The following SLC25A21 variants were observed in gnomAD, a reference collection of about 807,000 sequenced individuals.
SLC25A21 encodes solute carrier family 25 member 21.
In SLC25A21, 47 loss-of-function variants were observed where a neutral mutation model predicts 43.8. The ratio of observed to expected loss-of-function variants is 1.07; its 90% CI spans 0.85 to 1.37. The LOEUF is 1.37. Among genes scored for constraint, SLC25A21 ranks in the 40% most tolerant of loss-of-function variants. SLC25A21 has a pLI of 0.00. For synonymous variants in SLC25A21, 131 were observed against 121.3 expected, an observed-to-expected ratio of 1.08 and a Z score of -0.52; for missense variants, 352 against 350.2, an observed-to-expected ratio of 1.00 and a Z score of -0.04.
At chr14:36,791,884 C>G (rs913903937) in intron 3 of SLC25A21, among the ~76,000 whole-genome samples, 2 of 151,934 alleles carry the variant, frequency 1.3e-5, no homozygotes, top group Non-Finnish European at 2.9e-5. Context: ...AAAGAGGCAC[C>G]GGGAGGCTTC....
intron 1 of SLC25A21, among the ~76,000 whole-genome samples, chr14:36,889,836 C>T (rs1462711494): frequency 6.6e-6 from 1 of 152,100 alleles, no homozygotes; most frequent in African/African-American, 2.4e-5. Flanking sequence ...TCTTAAATTA[C>T]TAGCTCACTA....
intron 2 of SLC25A21, among the ~76,000 whole-genome samples, chr14:36,821,198 T>C (rs139636065): frequency 0.016 from 2,404 of 152,214 alleles, 26 homozygotes; most frequent in South Asian, 0.051. Context: ...ATTCCCACCA[T>C]GTATGTTTCT....
chr14:36,976,053 C>T (rs1959863657), intron 1 of SLC25A21, among the ~76,000 whole-genome samples: 1 of 152,160 alleles, frequency 6.6e-6, no homozygotes, highest in Non-Finnish European at 1.5e-5. Context: ...ATGCCATCTG[C>T]TGTTTGCTTA....
At chr14:36,956,864 T>A (rs531126867) in intron 1 of SLC25A21, among the ~76,000 whole-genome samples, 9 of 152,340 alleles carry the variant, frequency 5.9e-5, no homozygotes, top group African/African-American at 1.9e-4. Flanking sequence ...ATACATCATG[T>A]CATGTGGATT....
rs139861168 is a variant in SLC25A21 at position 36,844,708 on chromosome 14, C to T, written c.119+30248G>A. Among the ~76,000 whole-genome samples, 798 of 152,248 alleles carry T rather than the reference C, an allele frequency of 5.2e-3. 1 individual carries two copies. The highest frequency in any genetic ancestry group is 0.017 in the African/African-American group (716 of 41,534). On this transcript the variant is annotated intron_variant, in intron 2 of 9. Coordinates refer to ENST00000331299, the MANE Select transcript of SLC25A21 (RefSeq NM_030631.4). ...GTGAACCATGTAAATAGAAGGCTTC[C>T]AGGTTAATGAAAAGCTTCAGCACCA...
At chr14:36,779,420 T>C (rs972527975) in intron 3 of SLC25A21, among the ~76,000 whole-genome samples, 1 of 144,226 alleles carries the variant, frequency 6.9e-6, no homozygotes, top group Non-Finnish European at 1.5e-5. Context: ...CTTATATATA[T>C]AAAGAATATT....
intron 1 of SLC25A21, among the ~76,000 whole-genome samples, chr14:36,981,869 T>TA (rs1452074570): frequency 1.3e-5 from 2 of 152,080 alleles, no homozygotes; most frequent in East Asian, 3.9e-4. Flanking sequence ...AAAAAATAAA[T>TA]AAAAAACTGT....
At chr14:36,738,110 T>C (rs1038285545) in intron 3 of SLC25A21, among the ~76,000 whole-genome samples, 5 of 152,168 alleles carry the variant, frequency 3.3e-5, no homozygotes, top group Admixed American at 3.3e-4. Context: ...TGTCCAATCA[T>C]AGGAAGAGCT....
At chr14:36,989,325 T>C (rs1435718055) in intron 1 of SLC25A21, among the ~76,000 whole-genome samples, 5 of 152,170 alleles carry the variant, frequency 3.3e-5, no homozygotes, top group African/African-American at 1.2e-4. Context: ...TAAAACTTTT[T>C]AATTTCTAAA....
At chr14:37,075,597 A>G (rs1455382994) in intron 1 of SLC25A21, among the ~76,000 whole-genome samples, 2 of 152,178 alleles carry the variant, frequency 1.3e-5, no homozygotes, top group African/African-American at 4.8e-5. Context: ...ATAATCTTCA[A>G]AATTTACAAG....
At chr14:37,051,419 A>G (rs962155438) in intron 1 of SLC25A21, among the ~76,000 whole-genome samples, 3 of 152,226 alleles carry the variant, frequency 2.0e-5, no homozygotes, top group African/African-American at 7.2e-5. Flanking sequence ...GCTACAAGAC[A>G]ATACTAGAAA....
At chr14:36,998,820 T>C (rs573866651) in intron 1 of SLC25A21, among the ~76,000 whole-genome samples, 6 of 151,992 alleles carry the variant, frequency 3.9e-5, no homozygotes, top group East Asian at 1.9e-4. Flanking sequence ...CCATATGTCA[T>C]TGGGGAAAGG....
At chr14:36,891,492 G>T (rs1197936955) in intron 1 of SLC25A21, among the ~76,000 whole-genome samples, 1 of 152,120 alleles carries the variant, frequency 6.6e-6, no homozygotes, top group Non-Finnish European at 1.5e-5. Flanking sequence ...TTCATGTGCT[G>T]CTTTGATGCT....
At chr14:36,694,816 T>A (rs1882946705) in intron 7 of SLC25A21, among the ~76,000 whole-genome samples, 1 of 152,232 alleles carries the variant, frequency 6.6e-6, no homozygotes. Flanking sequence ...TAGCCCTTTG[T>A]CGGATGGGTT....
Position 36,813,940 on chromosome 14 carries a change from G to A in SLC25A21, c.181C>T (p.Arg61Ter), listed in dbSNP as rs148097801. 1.5e-4 allele frequency: 238 copies of A among 1,607,760 alleles called. No individual in the cohort carries two copies. The highest frequency in any genetic ancestry group is 2.2e-4 in the Admixed American group (13 of 58,440). The change falls in exon 3 of 10, where the codon CGA (arginine) becomes TGA (stop). Residue 61 changes from arginine (R) to a stop codon, truncating the protein, a stop_gained. Transcript: ENST00000331299. LOFTEE classifies it high-confidence loss of function. Reference sequence around the variant, plus strand: ...TACCCTTCCATTTGGAAAATCATTCGAAAGCTGTCTACCAAGCTTTTATAA... The same window carrying A: ...TACCCTTCCATTTGGAAAATCATTCAAAAGCTGTCTACCAAGCTTTTATAA... The part of the protein sequence containing the change: ...NSYKSLVDSF[R>*]MIFQMEGLFG...
intron 3 of SLC25A21, among the ~76,000 whole-genome samples, chr14:36,780,155 T>C (rs1421139614): frequency 1.3e-5 from 2 of 151,978 alleles, no homozygotes; most frequent in East Asian, 3.9e-4. Flanking sequence ...TAGTCTCTTA[T>C]GATTCTTTGC....
chr14:37,045,137 C>A (rs1050656727), intron 1 of SLC25A21, among the ~76,000 whole-genome samples: 2 of 152,114 alleles, frequency 1.3e-5, no homozygotes, highest in Non-Finnish European at 2.9e-5. Context: ...TCTTTCAAAT[C>A]GAAAGTTACA....
intron 1 of SLC25A21, among the ~76,000 whole-genome samples, chr14:37,126,453 T>C (rs1963299120): frequency 1.3e-5 from 2 of 151,914 alleles, no homozygotes; most frequent in Non-Finnish European, 1.5e-5. Flanking sequence ...ATTATACATA[T>C]AATATTTATC....
At chr14:37,055,380 G>A (rs533013487) in intron 1 of SLC25A21, among the ~76,000 whole-genome samples, 9 of 152,302 alleles carry the variant, frequency 5.9e-5, no homozygotes, top group Non-Finnish European at 1.0e-4. Context: ...GCCTGAAGTA[G>A]ATCATATGTG....
Sources: gnomAD v4.1 joint callset for allele counts (sites outside exome capture counted in the v4.1 genomes callset) on GRCh38, gnomAD v4.1.1 for gene constraint, MANE v1.5 for transcripts, NCBI Gene and HGNC (gene_info 2026-07-23, HGNC 2026-07-21) for gene names.